HIVEP3: variants seen among roughly 807,000 people sequenced by gnomAD.
HIVEP3 encodes the protein transcription factor HIVEP3.
A neutral mutation model predicts 152.8 loss-of-function variants in HIVEP3; 49 were observed. The observed-to-expected ratio is 0.32, with a 90% CI of 0.26 to 0.41. The LOEUF (loss-of-function observed/expected upper bound fraction) is 0.41, where lower values mean the gene tolerates loss of function less well. HIVEP3 is among the 10% of genes least tolerant of loss of function. The probability of loss-of-function intolerance (pLI) is 1.00; values close to 1 mark genes in which losing one functional copy is unlikely to be tolerated. For synonymous variants in HIVEP3, 1,269 were observed against 1,289.0 expected (o/e 0.98, Z 0.33); for missense variants, 2,790 against 3,103.3 (o/e 0.90, Z 2.40).
At position 41,864,229 on chromosome 1, in the gene HIVEP3, G is replaced by A. The variant is rs893415542; in HGVS notation, c.-801+54184C>T. On this transcript the variant is annotated intron_variant, in intron 1 of 8. Transcript: ENST00000372583. ...AGCACCCTGGTCGGGTTCACAGGAA[G>A]GGAAAGGAGAGGGAAGAAACCATTC... is the stretch of plus-strand genomic sequence containing the variant. 8.5e-5 allele frequency among the ~76,000 whole-genome samples: 13 copies of A among 152,262 alleles called. 1 individual carries two copies. The highest frequency in any genetic ancestry group is 7.2e-4 in the Admixed American group (11 of 15,292).
At position 41,583,533 on chromosome 1, in the gene HIVEP3, C is replaced by A. The variant is rs1261595157; in HGVS notation, c.1265G>T (p.Cys422Phe). The stretch of plus-strand genomic sequence containing the variant: ...GGCGGTCCGCTGTCCTATTCGCCCA[C>A]ACTTGCCAAAGATGATCTCAGCGTA... ...KSYAEIIFGKCGRIGQRTAML... is the reference protein window; with the variant it reads ...KSYAEIIFGKFGRIGQRTAML... The change falls in exon 4 of 9, where the codon TGT (cysteine) becomes TTT (phenylalanine). Residue 422 changes from cysteine to phenylalanine, a missense_variant. Cys to Phe is a radical substitution (Grantham distance 205). This residue lies in a region of HIVEP3 where 134 missense variants were observed against 242.5 expected (regional missense o/e 0.55). Coordinates refer to ENST00000372583, the MANE Select transcript of HIVEP3 (RefSeq NM_024503.5). The surrounding 1 kb of genome is among the most constrained non-coding windows in gnomAD (Gnocchi z 6.9). 12 of 1,614,100 alleles carry A rather than the reference C, an allele frequency of 7.4e-6. No homozygotes were observed. Among genetic ancestry groups the A allele is most frequent in the African/African-American group, 1.3e-5 (1 of 75,004 alleles).
rs770739085 is a variant in HIVEP3, at chr1:41,583,376, G to A, written c.1422C>T (p.Ala474=). Residue 474 remains alanine, a synonymous_variant, in exon 4 of 9, where the codon GCC becomes GCT. Coordinates refer to ENST00000372583, the MANE Select transcript of HIVEP3 (RefSeq NM_024503.5). The surrounding 1 kb of genome is among the most constrained non-coding windows in gnomAD (Gnocchi z 6.9). ...HITKLITINE[A]VVDTSEIDSV... ...TGTCGATCTCGCTGGTGTCCACCACGGCCTCGTTGATGGTGATGAGCTTCG... is the reference window on the plus strand; with the variant it reads ...TGTCGATCTCGCTGGTGTCCACCACAGCCTCGTTGATGGTGATGAGCTTCG... 16 of 1,613,242 alleles carry A rather than the reference G, an allele frequency of 9.9e-6. 1 individual carries two copies. In the East Asian group the frequency reaches 1.3e-4, roughly 13 times the overall value.
intron 2 of HIVEP3, among the ~76,000 whole-genome samples, chr1:41,672,951 G>A (rs775683898): frequency 8.5e-5 from 13 of 152,244 alleles, no homozygotes; most frequent in Non-Finnish European, 1.9e-4. Flanking sequence ...TGTCCCTGAC[G>A]TTACGTATGG....
chr1:41,886,451 A>G (rs1192860605), intron 1 of HIVEP3, among the ~76,000 whole-genome samples: 1 of 152,072 alleles, frequency 6.6e-6, no homozygotes, highest in African/African-American at 2.4e-5. Flanking sequence ...GGTGGCTCAC[A>G]CCTGTCATCC....
At chr1:41,765,273 C>T in intron 1 of HIVEP3, among the ~76,000 whole-genome samples, 1 of 152,184 alleles carries the variant, frequency 6.6e-6, no homozygotes. Context: ...TATTTATAAA[C>T]CCCTGTTCCC....
intron 1 of HIVEP3, among the ~76,000 whole-genome samples, chr1:41,852,196 T>C (rs1433547288): frequency 2.0e-5 from 3 of 152,248 alleles, no homozygotes; most frequent in African/African-American, 7.2e-5. Flanking sequence ...GACCCCAGGC[T>C]GCTGCGTGGG....
intron 3 of HIVEP3, among the ~76,000 whole-genome samples, chr1:41,627,051 G>T (rs775236714): frequency 2.6e-5 from 4 of 152,236 alleles, no homozygotes; most frequent in Non-Finnish European, 5.9e-5. Flanking sequence ...AACCATGTGG[G>T]CAGCAGCATC....
chr1:41,956,805 C>G (rs1003801468), intron 1 of HIVEP3, among the ~76,000 whole-genome samples: 1 of 152,116 alleles, frequency 6.6e-6, no homozygotes, highest in Admixed American at 6.5e-5. Flanking sequence ...ATTATTGAAG[C>G]TACAATATGA....
chr1:41,790,230 AT>A (rs953713858), intron 1 of HIVEP3, among the ~76,000 whole-genome samples: 8 of 152,046 alleles, frequency 5.3e-5, no homozygotes, highest in Non-Finnish European at 1.2e-4. Context: ...TTGGTAACCT[AT>A]CCCTCAAGAG....
intron 2 of HIVEP3, among the ~76,000 whole-genome samples, chr1:41,646,338 A>T (rs764317543): frequency 6.6e-6 from 1 of 152,238 alleles, no homozygotes; most frequent in Non-Finnish European, 1.5e-5. Flanking sequence ...GTTCAGATCC[A>T]GACCCTTCAG....
At chr1:41,557,739 C>T (rs534801657) in intron 5 of HIVEP3, among the ~76,000 whole-genome samples, 41 of 152,240 alleles carry the variant, frequency 2.7e-4, no homozygotes, top group African/African-American at 4.1e-4. Flanking sequence ...GAGGGTGTGC[C>T]GGGCACCCAG....
At chr1:41,778,854 C>T (rs139761373) in intron 1 of HIVEP3, among the ~76,000 whole-genome samples, 138 of 151,996 alleles carry the variant, frequency 9.1e-4, no homozygotes, top group Middle Eastern at 3.4e-3. Flanking sequence ...TCGGGTGGTA[C>T]GGAAGATCTC....
At chr1:41,678,641 A>T (rs1047224564) in intron 2 of HIVEP3, among the ~76,000 whole-genome samples, 2 of 150,366 alleles carry the variant, frequency 1.3e-5, no homozygotes, top group Admixed American at 6.6e-5. Flanking sequence ...CCCACACATC[A>T]AAGCAACTTG....
At chr1:41,626,751 G>A (rs72953376) in intron 3 of HIVEP3, among the ~76,000 whole-genome samples, 2,368 of 152,240 alleles carry the variant, frequency 0.016, 60 homozygotes, top group African/African-American at 0.054. Context: ...CCAGGATGCC[G>A]AGCCAGGGGC....
At chr1:41,788,580 T>C (rs1649505934) in intron 1 of HIVEP3, among the ~76,000 whole-genome samples, 1 of 151,546 alleles carries the variant, frequency 6.6e-6, no homozygotes. Context: ...GCAAGCCCAT[T>C]TGCTACAGAG....
intron 3 of HIVEP3, among the ~76,000 whole-genome samples, chr1:41,594,509 A>G (rs1570047213): frequency 6.6e-6 from 1 of 152,138 alleles, no homozygotes; most frequent in Non-Finnish European, 1.5e-5. Flanking sequence ...GGTGTGAGCC[A>G]CCCCGCCTGG....
At chr1:41,714,905 G>C (rs891353513) in intron 1 of HIVEP3, among the ~76,000 whole-genome samples, 4 of 152,074 alleles carry the variant, frequency 2.6e-5, no homozygotes, top group African/African-American at 9.7e-5. Context: ...GAGTTTTCTG[G>C]GGGGAGGTGT....
At chr1:41,653,370 C>A (rs548501415) in intron 2 of HIVEP3, among the ~76,000 whole-genome samples, 1 of 152,200 alleles carries the variant, frequency 6.6e-6, no homozygotes, top group African/African-American at 2.4e-5. Context: ...TTTGCAGATA[C>A]CCAATGCACT....
At chr1:41,963,028 T>C (rs1213751908) in intron 1 of HIVEP3, among the ~76,000 whole-genome samples, 1 of 152,226 alleles carries the variant, frequency 6.6e-6, no homozygotes, top group Non-Finnish European at 1.5e-5. Context: ...TTTTGTTTTT[T>C]TGAGACGGAG....
Sources: allele counts gnomAD v4.1 joint callset (sites outside exome capture counted in the v4.1 genomes callset), GRCh38; gene constraint gnomAD v4.1.1; regional missense constraint gnomAD v4.1.1; non-coding constraint Gnocchi (gnomAD v3.1); transcripts MANE v1.5; gene names NCBI Gene and HGNC (gene_info 2026-07-23, HGNC 2026-07-21).